Variants in HDAC9 observed in about 807,000 individuals in gnomAD.
The protein encoded by HDAC9 is MEF-2 interacting transcription repressor (MITR) protein.
HDAC9 carries 41 observed loss-of-function variants against 139.4 expected under a neutral mutation model. That is an observed-to-expected ratio of 0.29 (90% confidence interval 0.23 to 0.38). HDAC9 has a LOEUF of 0.38. Among genes scored for constraint, HDAC9 ranks in the 10% least tolerant of loss-of-function variants. The pLI, the probability that HDAC9 is intolerant of heterozygous loss-of-function variation, is 1.00. For missense variants in HDAC9, 1,147 were observed against 1,297.0 expected, an observed-to-expected ratio of 0.88 and a Z score of 1.78; for synonymous variants, 517 against 476.2, an observed-to-expected ratio of 1.09 and a Z score of -1.12.
At chr7:18,923,652 T>C (rs559079132) in intron 22 of HDAC9, among the ~76,000 whole-genome samples, 1 of 152,176 alleles carries the variant, frequency 6.6e-6, no homozygotes, top group African/African-American at 2.4e-5. Flanking sequence ...TTACCCGAAA[T>C]ACTCTATCTT....
intron 24 of HDAC9, among the ~76,000 whole-genome samples, chr7:18,964,897 G>A (rs1783749205): frequency 6.6e-6 from 1 of 152,150 alleles, no homozygotes; most frequent in African/African-American, 2.4e-5. Flanking sequence ...TTGGGTGGGG[G>A]CACAAAGCCT....
At chr7:18,162,279 A>G (rs539854889) in exon 2 of HDAC9, 3 of 1,527,824 alleles carry the variant, frequency 2.0e-6, no homozygotes, top group Non-Finnish European at 1.8e-6. Flanking sequence ...TTGAACGACA[A>G]AGGCTGTGAA....
At chr7:18,210,784 A>G (rs561733257) in intron 2 of HDAC9, among the ~76,000 whole-genome samples, 1 of 152,330 alleles carries the variant, frequency 6.6e-6, no homozygotes, top group South Asian at 2.1e-4. Context: ...TTTATTTGTA[A>G]TGAAATAATC....
chr7:18,784,958 TG>T (rs1791576618), intron 16 of HDAC9, among the ~76,000 whole-genome samples: 1 of 151,738 alleles, frequency 6.6e-6, no homozygotes, highest in African/African-American at 2.4e-5. Flanking sequence ...TGTGTGTGTG[TG>T]TGTGTGTGTG....
intron 16 of HDAC9, among the ~76,000 whole-genome samples, chr7:18,782,574 C>T (rs1201464430): frequency 6.6e-6 from 1 of 152,044 alleles, no homozygotes; most frequent in African/African-American, 2.4e-5. Context: ...TGAACTAGAT[C>T]CATATGTGGC....
At chr7:18,811,848 G>C (rs1002542574) in intron 17 of HDAC9, among the ~76,000 whole-genome samples, 5 of 151,326 alleles carry the variant, frequency 3.3e-5, no homozygotes, top group African/African-American at 1.2e-4. Flanking sequence ...GTAAAGGAAA[G>C]AAAGGGAGAG....
At chr7:18,859,778 CCTCTT>C (rs1285315302) in intron 21 of HDAC9, among the ~76,000 whole-genome samples, 9 of 132,186 alleles carry the variant, frequency 6.8e-5, no homozygotes, top group East Asian at 2.2e-4. Context: ...CTTTTTCTCT[CCTCTT>C]GAGAAGAAAT....
chr7:18,793,410 T>C lies in HDAC9; in HGVS notation c.2280T>C (p.Cys760=). The change falls in exon 17 of 26, where the codon TGT becomes TGC. Residue 760 remains cysteine (C), a synonymous_variant. Coordinates refer to ENST00000686413, the MANE Select transcript of HDAC9 (RefSeq NM_178425.4). ...GTGCTGCACGCATGGCTGTTGGCTG[T>C]GTCATCGAGCTGGCTTCCAAAGTGG... is the stretch of plus-strand genomic sequence containing the variant. ...SSGAARMAVG[C]VIELASKVAS... 6.3e-7 allele frequency: 1 copy of C among 1,585,794 alleles called. No homozygotes were observed. Among genetic ancestry groups the C allele is most frequent in the Non-Finnish European group, 8.6e-7 (1 of 1,166,006 alleles).
intron 1 of HDAC9, among the ~76,000 whole-genome samples, chr7:18,433,860 G>A (rs570112088): frequency 6.6e-6 from 1 of 152,158 alleles, no homozygotes; most frequent in Non-Finnish European, 1.5e-5. Flanking sequence ...GCAATTTACA[G>A]ATTTAATGCT....
intron 12 of HDAC9, among the ~76,000 whole-genome samples, chr7:18,723,333 C>T (rs184639453): frequency 6.6e-6 from 1 of 152,132 alleles, no homozygotes; most frequent in Non-Finnish European, 1.5e-5. Flanking sequence ...GAATATATAA[C>T]AGCCAAAGGT....
chr7:18,364,985 A>G (rs1223457725), intron 1 of HDAC9, among the ~76,000 whole-genome samples: 1 of 152,090 alleles, frequency 6.6e-6, no homozygotes, highest in Non-Finnish European at 1.5e-5. Flanking sequence ...CACACAGGGT[A>G]AAAGATTGAA....
intron 2 of HDAC9, among the ~76,000 whole-genome samples, chr7:18,534,621 C>T (rs1013891027): frequency 2.6e-5 from 4 of 152,116 alleles, no homozygotes; most frequent in African/African-American, 7.2e-5. Flanking sequence ...CCTTATGAGT[C>T]GTTAGGTGTC....
intron 24 of HDAC9, 77 bp from the exon 25 acceptor site, chr7:18,975,729 G>A (rs1784507946): frequency 7.2e-7 from 1 of 1,387,966 alleles, no homozygotes; most frequent in Non-Finnish European, 1.0e-6. Context: ...ACTGCTCTGA[G>A]TTGGACGTAT....
At chr7:18,399,378 C>A (rs959096002) in intron 1 of HDAC9, among the ~76,000 whole-genome samples, 3 of 152,048 alleles carry the variant, frequency 2.0e-5, no homozygotes, top group African/African-American at 7.2e-5. Context: ...ATTTCTGGTA[C>A]AGTAACGAAA....
intron 2 of HDAC9, among the ~76,000 whole-genome samples, chr7:18,242,198 GA>G (rs1279867257): frequency 2.6e-5 from 4 of 152,192 alleles, no homozygotes; most frequent in Admixed American, 1.3e-4. Context: ...ACTAGCCTCT[GA>G]GGAGCTTTCT....
intron 1 of HDAC9, among the ~76,000 whole-genome samples, chr7:18,409,750 A>G (rs750573398): frequency 6.6e-6 from 1 of 152,230 alleles, no homozygotes; most frequent in Non-Finnish European, 1.5e-5. Context: ...AAATTTTGGA[A>G]AAAGTGATAA....
At chr7:18,648,824 C>T (rs1271513201) in intron 11 of HDAC9, 141 bp downstream of exon 11, 21 of 693,052 alleles carry the variant, frequency 3.0e-5, no homozygotes, top group Non-Finnish European at 4.9e-5. Flanking sequence ...GCTTTCTTGG[C>T]TCAAGGACAC....
intron 16 of HDAC9, among the ~76,000 whole-genome samples, chr7:18,768,923 T>C (rs1386966766): frequency 6.6e-6 from 1 of 152,222 alleles, no homozygotes; most frequent in Non-Finnish European, 1.5e-5. Flanking sequence ...GTTTAAACTT[T>C]ATTATAAAAT....
chr7:18,730,038 A>T (rs1289556455), intron 13 of HDAC9, among the ~76,000 whole-genome samples: 1 of 152,218 alleles, frequency 6.6e-6, no homozygotes, highest in Non-Finnish European at 1.5e-5. Context: ...AGCTCATTTG[A>T]ACTTACAAGA....
Sources: gnomAD v4.1 joint callset for allele counts (sites outside exome capture counted in the v4.1 genomes callset) on GRCh38, gnomAD v4.1.1 for gene constraint, MANE v1.5 for transcripts, NCBI Gene and HGNC (gene_info 2026-07-23, HGNC 2026-07-21) for gene names.